Variants in FNBP4 observed in about 807,000 individuals in gnomAD.
FNBP4 encodes the protein formin-binding protein 4.
FNBP4 carries 34 observed loss-of-function variants against 119.3 expected under a neutral mutation model. That is an observed-to-expected ratio of 0.28 (90% confidence interval 0.22 to 0.38). FNBP4 has a LOEUF of 0.38. Ranked by LOEUF, FNBP4 falls within the 10% of genes least tolerant of loss-of-function variation. The probability of loss-of-function intolerance (pLI) is 1.00; values close to 1 mark genes in which losing one functional copy is unlikely to be tolerated. For synonymous variants in FNBP4, 462 were observed against 430.6 expected, an observed-to-expected ratio of 1.07 and a Z score of -0.90; for missense variants, 1,112 against 1,228.9, an observed-to-expected ratio of 0.90 and a Z score of 1.42.
At chr11:47,730,008 G>T in intron 12 of FNBP4, 1 of 985,418 alleles carries the variant, frequency 1.0e-6, no homozygotes, top group South Asian at 4.7e-5. Flanking sequence ...TTACCAGACA[G>T]TATCAACTAT....
intron 12 of FNBP4, chr11:47,729,695 T>C: frequency 1.0e-6 from 1 of 985,136 alleles, no homozygotes; most frequent in Non-Finnish European, 1.2e-6. Context: ...TTAAAACAAT[T>C]TTCTGAAGAG....
chr11:47,732,133 G>A lies in FNBP4; in HGVS notation c.1820+404C>T. The stretch of plus-strand genomic sequence containing the variant: ...TCATCTGACCTGCTGGCAGAGGATA[G>A]TAATCTTGTTCTTCATTCACATCTT... On this transcript the variant is annotated intron_variant, in intron 11 of 16. Transcript: ENST00000263773. This position sits in a 1 kb window ranked among gnomAD's most constrained non-coding sequence, Gnocchi z 4.2. The A allele has an allele frequency of 9.9e-7, 1 of 1,005,378 alleles. No homozygotes were observed. Among genetic ancestry groups the A allele is most frequent in the Non-Finnish European group, 1.2e-6 (1 of 843,218 alleles). The allele number at this position is 1,005,378 out of a possible 1,614,324, so 62.3% of individuals were successfully genotyped here. A position where few individuals can be genotyped will look rare whatever the true frequency, so the allele number is the denominator to read the frequency against.
At chr11:47,757,141 A>C (rs1236229787) in intron 2 of FNBP4, among the ~76,000 whole-genome samples, 1 of 152,190 alleles carries the variant, frequency 6.6e-6, no homozygotes, top group African/African-American at 2.4e-5. Flanking sequence ...ACAATGGTTG[A>C]ACTAGTTTAC....
intron 1 of FNBP4, among the ~76,000 whole-genome samples, chr11:47,766,263 C>G (rs1277194127): frequency 3.9e-5 from 6 of 151,954 alleles, no homozygotes; most frequent in Admixed American, 3.9e-4. Context: ...GCAGTGAGCC[C>G]AAGATCGCGC....
At chr11:47,736,795 T>C (rs1286851228) in intron 8 of FNBP4, 55 bp from the exon 9 acceptor site, 2 of 1,461,350 alleles carry the variant, frequency 1.4e-6, no homozygotes, top group South Asian at 1.2e-5. Flanking sequence ...TAGAACACTA[T>C]ATACCTTTTC....
intron 8 of FNBP4, among the ~76,000 whole-genome samples, chr11:47,739,935 C>G (rs1483069852): frequency 6.9e-6 from 1 of 144,572 alleles, no homozygotes; most frequent in Non-Finnish European, 1.5e-5. Context: ...TGCGCCACCA[C>G]GCCCGGCTAG....
At chr11:47,726,455 C>T (rs968198639) in intron 12 of FNBP4, 4 of 149,560 alleles carry the variant, frequency 2.7e-5, no homozygotes, top group Non-Finnish European at 5.9e-5. Context: ...CTATGTTGCC[C>T]AAGCTGGTCA....
At chr11:47,730,712 C>CT (rs1419885386) in intron 12 of FNBP4, among the ~76,000 whole-genome samples, 2 of 152,124 alleles carry the variant, frequency 1.3e-5, no homozygotes, top group Non-Finnish European at 2.9e-5. Context: ...ACATTGGAAA[C>CT]TTTTTAAAAA....
rs748820687 is a variant in FNBP4 at position 47,734,070 on chromosome 11, A to G, written c.1641T>C (p.Asn547=). The change falls in exon 10 of 17, where the codon AAT becomes AAC. Residue 547 remains asparagine, a synonymous_variant. Coordinates refer to ENST00000263773, the MANE Select transcript of FNBP4 (RefSeq NM_015308.5). ...CATGAAAGTTGGAGATGGATTGTCT[A>G]TTAATGCCTAGAAACTCGAATTTAC... The part of the protein sequence containing the change: ...LTSKFEFLGI[N]RQSISNFHVL... 1.9e-6 allele frequency: 3 copies of G among 1,598,972 alleles called. No homozygotes were observed. The highest frequency in any genetic ancestry group is 2.3e-5 in the South Asian group (2 of 87,426).
chr11:47,746,158 G>A lies in FNBP4; in HGVS notation c.1143C>T (p.Asp381=). The stretch of plus-strand genomic sequence containing the variant: ...CACTGCAAAGATCCTCCTGAGAAGG[G>A]TCTTCTATATTGTCCAACATAATTT... ...PQEIMLDNIE[D]PSQEDLCSVV... Residue 381 remains aspartate, a synonymous_variant, in exon 7 of 17, where the codon GAC becomes GAT. Transcript: ENST00000263773. The A allele has an allele frequency of 6.2e-7, 1 of 1,614,042 alleles. No homozygotes were observed. Among genetic ancestry groups the A allele is most frequent in the Non-Finnish European group, 8.5e-7 (1 of 1,179,942 alleles).
Position 47,732,748 on chromosome 11 carries a change from T to G in FNBP4, c.1687-78A>C. The G allele has an allele frequency of 3.6e-6, 5 of 1,372,736 alleles. No homozygotes were observed. The Admixed American group carries it at 6.9e-5, about 19-fold the overall frequency. The allele number at this position is 1,372,736 out of a possible 1,614,324, so 85.0% of individuals were successfully genotyped here. The stretch of plus-strand genomic sequence containing the variant: ...ACAGGCAAAGGGGATATAAACCTTC[T>G]GCTCCAAGACTATATCCCTGTGCTC... On this transcript the variant is annotated intron_variant, in intron 10 of 16. Transcript: ENST00000263773. The surrounding 1 kb of genome is among the most constrained non-coding windows in gnomAD (Gnocchi z 4.2).
rs1036717464 is a variant in FNBP4, at chr11:47,729,549, G to A, written c.2008+1825C>T. ...TTGAGACAGGGTCTTGTTCTCTGTC[G>A]CTCAGGCTGGAGTGCAGTGGTACAA... On this transcript the variant is annotated intron_variant, in intron 12 of 16. Coordinates refer to ENST00000263773, the MANE Select transcript of FNBP4 (RefSeq NM_015308.5). 16 of 976,092 alleles carry A rather than the reference G, an allele frequency of 1.6e-5. No individual in the cohort carries two copies. In the Admixed American group the frequency reaches 2.5e-4, roughly 15 times the overall value. 60.5% of individuals were successfully genotyped at this position (976,092 alleles called of 1,614,324 possible).
At chr11:47,757,117 CCA>C (rs1201102921) in intron 2 of FNBP4, among the ~76,000 whole-genome samples, 1 of 152,204 alleles carries the variant, frequency 6.6e-6, no homozygotes, top group African/African-American at 2.4e-5. Context: ...TGAGGAATCA[CCA>C]CACTGTCTTC....
chr11:47,763,721 C>T (rs903226514), intron 2 of FNBP4, among the ~76,000 whole-genome samples: 2 of 152,020 alleles, frequency 1.3e-5, no homozygotes, highest in Non-Finnish European at 2.9e-5. Flanking sequence ...AGGATGGTCT[C>T]GATCTCCTGA....
At chr11:47,743,896 A>C in intron 8 of FNBP4, 57 bp downstream of exon 8, 1 of 1,471,184 alleles carries the variant, frequency 6.8e-7, no homozygotes, top group South Asian at 1.2e-5. Context: ...AAAAGACAAG[A>C]GTTTCCTTCC....
chr11:47,733,924 A>G (rs1419742082), intron 10 of FNBP4, 101 bp downstream of exon 10: 1 of 551,014 alleles, frequency 1.8e-6, no homozygotes, highest in Non-Finnish European at 3.0e-6. Context: ...AAAAATTTAA[A>G]TTTAGGCTTA....
At chr11:47,736,884 C>T (rs1201040371) in intron 8 of FNBP4, 144 bp from the exon 9 acceptor site, 5 of 804,460 alleles carry the variant, frequency 6.2e-6, no homozygotes, top group Non-Finnish European at 9.6e-6. Flanking sequence ...ACTCTTCAAA[C>T]ATGTCAGCCT....
intron 8 of FNBP4, among the ~76,000 whole-genome samples, chr11:47,738,847 ATTTTTTTTTTTTTTTTT>A (rs71045510): frequency 1.9e-4 from 21 of 110,988 alleles, no homozygotes; most frequent in South Asian, 1.0e-3. Context: ...TGCCCAGGTA[ATTTTTTTTTTTTTTTTT>A]TTTTTTTTTT....
chr11:47,732,445 C>A lies in FNBP4; in HGVS notation c.1820+92G>T. The stretch of plus-strand genomic sequence containing the variant: ...GCTAACTGCAGCTGCTCTCAGTCTC[C>A]AGACAGGCTGTCATGTCGTCAGATG... On this transcript the variant is annotated intron_variant, in intron 11 of 16. Coordinates refer to ENST00000263773, the MANE Select transcript of FNBP4 (RefSeq NM_015308.5). The surrounding 1 kb of genome is among the most constrained non-coding windows in gnomAD (Gnocchi z 4.2). 1 of 1,581,168 alleles carries A rather than the reference C, an allele frequency of 6.3e-7. No homozygotes were observed. The highest frequency in any genetic ancestry group is 8.6e-7 in the Non-Finnish European group (1 of 1,161,242).
Sources: gnomAD v4.1 joint callset for allele counts (sites outside exome capture counted in the v4.1 genomes callset) on GRCh38, gnomAD v4.1.1 for gene constraint, Gnocchi (gnomAD v3.1) non-coding constraint, MANE v1.5 for transcripts, NCBI Gene and HGNC (gene_info 2026-07-23, HGNC 2026-07-21) for gene names.